RALGPS1: variants seen among roughly 807,000 people sequenced by gnomAD.
RALGPS1 encodes ras-specific guanine nucleotide-releasing factor RalGPS1.
Under a neutral mutation model 78.8 loss-of-function variants are expected in RALGPS1, and 19 were observed. That is an observed-to-expected ratio of 0.24 (90% CI 0.17 to 0.35). RALGPS1 has a LOEUF of 0.35. RALGPS1 is among the 10% of genes least tolerant of loss of function. The pLI, the probability that RALGPS1 is intolerant of heterozygous loss-of-function variation, is 1.00. For synonymous variants in RALGPS1, 228 were observed against 256.3 expected (o/e 0.89, Z 1.06); for missense variants, 454 against 688.3 (o/e 0.66, Z 3.81).
At chr9:127,199,191 T>C (rs1384968620) in intron 14 of RALGPS1, 125 bp downstream of exon 14, 2 of 879,314 alleles carry the variant, frequency 2.3e-6, no homozygotes, top group African/African-American at 3.3e-5. Context: ...CTGTGGCTCC[T>C]TCAGCAGACT....
At chr9:127,086,117 C>T (rs1466208166) in intron 8 of RALGPS1, among the ~76,000 whole-genome samples, 1 of 152,168 alleles carries the variant, frequency 6.6e-6, no homozygotes, top group Non-Finnish European at 1.5e-5. Context: ...TGCACACGCG[C>T]ACACGGACAC....
rs371617664 is a variant in RALGPS1, at chr9:127,032,273, G to C, written c.217-2158G>C. Among the ~76,000 whole-genome samples, 33 of 152,264 alleles carry C rather than the reference G, an allele frequency of 2.2e-4. No individual in the cohort carries two copies. In the East Asian group the frequency reaches 3.9e-3, roughly 18 times the overall value. On this transcript the variant is annotated intron_variant, in intron 4 of 18. Transcript: ENST00000259351. Reference sequence around the variant, plus strand: ...GTGGCCAGCCAGGATCTGACCCTGGGGTCCACACTGCTCCCTTTCTGGGTA... The same window carrying C: ...GTGGCCAGCCAGGATCTGACCCTGGCGTCCACACTGCTCCCTTTCTGGGTA...
At position 127,183,549 on chromosome 9, in the gene RALGPS1, G is replaced by C. The variant is rs1192000284; in HGVS notation, c.910+8767G>C. Among the ~76,000 whole-genome samples the C allele has an allele frequency of 3.3e-5, 5 of 152,244 alleles. No homozygotes were observed. In the East Asian group the frequency reaches 9.7e-4, roughly 30 times the overall value. ...CTGCCTGTGGCCACCGCTGTCTTCT[G>C]GCACAGCCGTTTGGCCTCATCAGGC... On this transcript the variant is annotated intron_variant, in intron 11 of 18. Transcript: ENST00000259351. This position sits in a 1 kb window ranked among gnomAD's most constrained non-coding sequence, Gnocchi z 4.0.
At chr9:127,145,761 G>C (rs925242196) in intron 8 of RALGPS1, among the ~76,000 whole-genome samples, 12 of 152,244 alleles carry the variant, frequency 7.9e-5, no homozygotes, top group African/African-American at 2.9e-4. Context: ...CCTATTCAAT[G>C]AGATTTGAGG....
chr9:126,974,964 C>T (rs1295663487), intron 3 of RALGPS1, among the ~76,000 whole-genome samples: 1 of 151,670 alleles, frequency 6.6e-6, no homozygotes, highest in African/African-American at 2.4e-5. Flanking sequence ...ACCCATACTT[C>T]CCACCCCCCT....
In RALGPS1 at chr9:127,184,187, T is replaced by C. The variant is rs896041231; in HGVS notation, c.910+9405T>C. ...CAAAAGTATATAAATGATCTGGGCA[T>C]GGTGGTGCGTGCCTACAGCCCCAGC... On this transcript the variant is annotated intron_variant, in intron 11 of 18. Coordinates refer to ENST00000259351, the MANE Select transcript of RALGPS1 (RefSeq NM_014636.3). 8.9e-6 allele frequency: 7 copies of C among 783,082 alleles called. No homozygotes were observed. In the African/African-American group the frequency reaches 1.2e-4, roughly 13 times the overall value. The allele number at this position is 783,082 out of a possible 1,614,324, so 48.5% of individuals were successfully genotyped here. A position where few individuals can be genotyped will look rare whatever the true frequency, so the allele number is the denominator to read the frequency against.
intron 4 of RALGPS1, among the ~76,000 whole-genome samples, chr9:126,982,146 TACTGTC>T (rs1288870659): frequency 9.9e-5 from 15 of 152,212 alleles, no homozygotes; most frequent in Admixed American, 9.8e-4. Context: ...AGAAGTCACA[TACTGTC>T]ATTTGCACAG....
intron 8 of RALGPS1, among the ~76,000 whole-genome samples, chr9:127,085,099 G>T (rs2051570349): frequency 6.6e-6 from 1 of 152,184 alleles, no homozygotes; most frequent in Non-Finnish European, 1.5e-5. Flanking sequence ...AAATTGGCAA[G>T]ATTACGGGGA....
chr9:127,075,303 C>A (rs898595816), intron 8 of RALGPS1, among the ~76,000 whole-genome samples: 2 of 152,224 alleles, frequency 1.3e-5, no homozygotes, highest in African/African-American at 4.8e-5. Flanking sequence ...CTGACATATA[C>A]AAGTCAGAGG....
At chr9:127,049,944 A>G in intron 5 of RALGPS1, 99 bp from the exon 6 acceptor site, 1 of 872,252 alleles carries the variant, frequency 1.1e-6, no homozygotes, top group Non-Finnish European at 1.9e-6. Flanking sequence ...ACCTCTTGGA[A>G]ATCCCATAAC....
intron 6 of RALGPS1, 79 bp downstream of exon 6, chr9:127,050,211 A>G (rs2135333714): frequency 3.3e-6 from 4 of 1,203,274 alleles, no homozygotes; most frequent in Non-Finnish European, 4.9e-6. Context: ...TTTCCTCAGT[A>G]CTTTGGGAGC....
At chr9:127,081,512 G>A (rs1164490447) in intron 8 of RALGPS1, among the ~76,000 whole-genome samples, 2 of 152,256 alleles carry the variant, frequency 1.3e-5, no homozygotes, top group African/African-American at 2.4e-5. Context: ...TTCCAGGCTT[G>A]GAGAAGGCTG....
intron 1 of RALGPS1, among the ~76,000 whole-genome samples, chr9:126,933,724 G>A (rs1345347563): frequency 4.6e-5 from 7 of 152,030 alleles, no homozygotes; most frequent in African/African-American, 1.7e-4. Context: ...AAGGTGTGGG[G>A]TATGGTGAGG....
intron 8 of RALGPS1, among the ~76,000 whole-genome samples, chr9:127,123,204 G>C (rs1488978974): frequency 1.3e-5 from 2 of 152,222 alleles, no homozygotes; most frequent in Admixed American, 6.5e-5. Flanking sequence ...GGAGTCCAAG[G>C]CTGTCCACAC....
At chr9:126,972,272 C>T (rs1206980274) in intron 3 of RALGPS1, among the ~76,000 whole-genome samples, 1 of 152,168 alleles carries the variant, frequency 6.6e-6, no homozygotes, top group Admixed American at 6.5e-5. Flanking sequence ...AGCAATGGGT[C>T]ACCTTTTGAT....
At chr9:127,068,964 C>T (rs530424943) in intron 7 of RALGPS1, among the ~76,000 whole-genome samples, 12 of 152,306 alleles carry the variant, frequency 7.9e-5, no homozygotes, top group South Asian at 2.1e-4. Context: ...CACTGGTGGA[C>T]GTGTCTTATA....
chr9:127,050,141 TTTATTA>T lies in RALGPS1; in HGVS notation c.390+15_390+20del. The T allele has an allele frequency of 6.3e-7, 1 of 1,587,730 alleles. No individual in the cohort carries two copies. The highest frequency in any genetic ancestry group is 8.6e-7 in the Non-Finnish European group (1 of 1,156,218). On this transcript the variant is annotated intron_variant, in intron 6 of 18. Transcript: ENST00000259351. ...TTGTGAAAATAGCCAAGGTAAGCTT[TTTATTA>T]TTATTTTTCCTTCCTTTCCCTCTTC...
intron 4 of RALGPS1, 112 bp downstream of exon 4, chr9:126,977,857 T>G: frequency 1.4e-6 from 1 of 717,436 alleles, no homozygotes; most frequent in Non-Finnish European, 2.3e-6. Flanking sequence ...TATAAATGCA[T>G]GTTATCCATT....
rs78086621 is a variant in RALGPS1 at position 127,080,155 on chromosome 9, T to A, written c.610+10799T>A. Among the ~76,000 whole-genome samples, 14 of 152,254 alleles carry A rather than the reference T, an allele frequency of 9.2e-5. No homozygotes were observed. The East Asian group carries it at 2.5e-3, about 27-fold the overall frequency. On this transcript the variant is annotated intron_variant, in intron 8 of 18. Transcript: ENST00000259351. ...AGATGGGTGCCTGGGGATGACTGAT[T>A]AGGGTCTGAGAGGGCCTGGAATGTT...
Sources: allele counts gnomAD v4.1 joint callset (sites outside exome capture counted in the v4.1 genomes callset), GRCh38; gene constraint gnomAD v4.1.1; non-coding constraint Gnocchi (gnomAD v3.1); transcripts MANE v1.5; gene names NCBI Gene and HGNC (gene_info 2026-07-23, HGNC 2026-07-21).